Variants in PPP3CB observed in about 807,000 individuals in gnomAD.
PPP3CB encodes protein phosphatase 3 catalytic subunit beta, also known as serine/threonine-protein phosphatase 2B catalytic subunit beta isoform.
In PPP3CB, 8 loss-of-function variants were observed where a neutral mutation model predicts 66.4. The observed-to-expected ratio is 0.12, with a 90% CI of 0.07 to 0.22. The LOEUF (loss-of-function observed/expected upper bound fraction) is 0.22, where lower values mean the gene tolerates loss of function less well. Among genes scored for constraint, PPP3CB ranks in the 10% least tolerant of loss-of-function variants. The pLI, the probability that PPP3CB is intolerant of heterozygous loss-of-function variation, is 1.00. For synonymous variants in PPP3CB, 208 were observed against 221.2 expected (o/e 0.94, Z 0.53); for missense variants, 319 against 642.5 (o/e 0.50, Z 5.44).
At chr10:73,466,445 A>T (rs1461824465) in intron 9 of PPP3CB, among the ~76,000 whole-genome samples, 1 of 152,172 alleles carries the variant, frequency 6.6e-6, no homozygotes, top group African/African-American at 2.4e-5. Flanking sequence ...TGAAGGCAGG[A>T]GAGTGAGCAG....
At chr10:73,451,518 G>C (rs115332523) in intron 10 of PPP3CB, among the ~76,000 whole-genome samples, 53 of 151,964 alleles carry the variant, frequency 3.5e-4, no homozygotes, top group African/African-American at 1.1e-3. Context: ...TAATTATATA[G>C]AGCAAGAGTT....
At chr10:73,458,529 T>G (rs1218445714) in intron 9 of PPP3CB, among the ~76,000 whole-genome samples, 1 of 152,020 alleles carries the variant, frequency 6.6e-6, no homozygotes, top group Non-Finnish European at 1.5e-5. Context: ...CGGCTGGGTG[T>G]GGTAGCTCAT....
chr10:73,444,247 G>A (rs2132770812), intron 12 of PPP3CB: 1 of 196,726 alleles, frequency 5.1e-6, no homozygotes. Flanking sequence ...TAATGTTCTG[G>A]GGCCTAAGCA....
At chr10:73,467,064 T>C (rs1236045713) in intron 9 of PPP3CB, 1 of 152,190 alleles carries the variant, frequency 6.6e-6, no homozygotes, top group Non-Finnish European at 1.5e-5. Context: ...ACATATTTTT[T>C]ATATAAGAGA....
intron 4 of PPP3CB, among the ~76,000 whole-genome samples, chr10:73,473,586 G>A (rs1336910346): frequency 6.6e-6 from 1 of 152,042 alleles, no homozygotes; most frequent in African/African-American, 2.4e-5. Context: ...CCCGGGAGGA[G>A]GTTGCTGTGA....
intron 1 of PPP3CB, among the ~76,000 whole-genome samples, chr10:73,480,402 T>C (rs1030541384): frequency 2.6e-5 from 4 of 152,014 alleles, no homozygotes; most frequent in African/African-American, 7.2e-5. Flanking sequence ...ACTTTTTGCA[T>C]ATGTGTAAAA....
intron 12 of PPP3CB, among the ~76,000 whole-genome samples, chr10:73,442,522 A>AT (rs2056165297): frequency 6.6e-6 from 1 of 152,222 alleles, no homozygotes; most frequent in Non-Finnish European, 1.5e-5. Flanking sequence ...TTTTCTGAAC[A>AT]AAGAAGAGTA....
At chr10:73,455,929 A>G (rs2056420153) in intron 9 of PPP3CB, among the ~76,000 whole-genome samples, 1 of 152,228 alleles carries the variant, frequency 6.6e-6, no homozygotes, top group African/African-American at 2.4e-5. Flanking sequence ...TGAAAACTTC[A>G]TGAGTGTAGG....
At chr10:73,470,091 G>C (rs1221583368) in intron 8 of PPP3CB, among the ~76,000 whole-genome samples, 3 of 152,096 alleles carry the variant, frequency 2.0e-5, no homozygotes, top group African/African-American at 7.2e-5. Context: ...TTCAGGGAAG[G>C]TGGGGAAATG....
intron 4 of PPP3CB, among the ~76,000 whole-genome samples, chr10:73,473,599 C>T (rs1291271121): frequency 1.3e-5 from 2 of 151,386 alleles, no homozygotes; most frequent in African/African-American, 2.4e-5. Flanking sequence ...TGCTGTGAGC[C>T]GAGATTGTAC....
At chr10:73,466,339 T>C (rs756182645) in intron 9 of PPP3CB, among the ~76,000 whole-genome samples, 36 of 152,178 alleles carry the variant, frequency 2.4e-4, no homozygotes, top group Non-Finnish European at 4.6e-4. Flanking sequence ...AGAATCAAAT[T>C]AGAATCTATG....
intron 9 of PPP3CB, among the ~76,000 whole-genome samples, chr10:73,457,784 G>T (rs2056453979): frequency 6.6e-6 from 1 of 151,350 alleles, no homozygotes; most frequent in Non-Finnish European, 1.5e-5. Context: ...AGTGGAATGG[G>T]AGAAAATTAT....
Position 73,495,832 on chromosome 10 carries a change from G to A in PPP3CB, c.58C>T (p.Pro20Ser), listed in dbSNP as rs1435361561. 6.7e-7 allele frequency: 1 copy of A among 1,500,348 alleles called. No individual in the cohort carries two copies. The highest frequency in any genetic ancestry group is 2.9e-5 in the East Asian group (1 of 34,716). 92.9% of individuals were successfully genotyped at this position (1,500,348 alleles called of 1,614,324 possible). ...APPPPPPPPP[P>S]PGADRVVKAV... Reference sequence around the variant, plus strand: ...TTGACGACGCGGTCAGCCCCGGGAGGGGGCGGCGGGGGCGGGGGTGGGGGC... The same window carrying A: ...TTGACGACGCGGTCAGCCCCGGGAGAGGGCGGCGGGGGCGGGGGTGGGGGC... The change falls in exon 1 of 14, where the codon CCT becomes TCT. Residue 20 changes from proline (P) to serine (S), a missense_variant. By Grantham distance (74) the Pro-to-Ser change is moderately conservative (BLOSUM62 -1). Around this residue, in one of 5 missense-constraint regions of PPP3CB, gnomAD observed 104 missense variants for 128.4 expected, o/e 0.81. Coordinates refer to ENST00000360663, the MANE Select transcript of PPP3CB (RefSeq NM_021132.4).
At chr10:73,483,865 C>T (rs2056925468) in intron 1 of PPP3CB, among the ~76,000 whole-genome samples, 1 of 151,662 alleles carries the variant, frequency 6.6e-6, no homozygotes, top group Admixed American at 6.6e-5. Context: ...ATTCTCTGGC[C>T]AGGTGCGGTG....
At chr10:73,491,172 A>G (rs1026153107) in intron 1 of PPP3CB, among the ~76,000 whole-genome samples, 1 of 151,772 alleles carries the variant, frequency 6.6e-6, no homozygotes, top group African/African-American at 2.4e-5. Context: ...CTGGGATTAC[A>G]GGCGTGTACC....
At chr10:73,486,688 A>C (rs75427050) in intron 1 of PPP3CB, among the ~76,000 whole-genome samples, 7,546 of 152,270 alleles carry the variant, frequency 0.05, 572 homozygotes, top group African/African-American at 0.16. Context: ...GACAACACTT[A>C]TCAAATTCTT....
In PPP3CB at chr10:73,470,794, T is replaced by C. The variant is rs778178072; in HGVS notation, c.888-13A>G. The C allele has an allele frequency of 4.4e-6, 7 of 1,586,552 alleles. No homozygotes were observed. Among genetic ancestry groups the C allele is most frequent in the Non-Finnish European group, 6.0e-6 (7 of 1,159,626 alleles). ...GTACATTCTATAGCTGCAAAACAAA[T>C]AGCTTAATATGCATCGTAAAGCATC... On this transcript the variant is annotated splice_polypyrimidine_tract_variant and intron_variant, in intron 7 of 13. Transcript: ENST00000360663.
intron 1 of PPP3CB, among the ~76,000 whole-genome samples, chr10:73,485,144 T>C (rs555978642): frequency 4.6e-5 from 7 of 152,190 alleles, no homozygotes; most frequent in Non-Finnish European, 7.3e-5. Context: ...GACCAAACTG[T>C]TCTGTTGAAA....
intron 2 of PPP3CB, 79 bp from the exon 3 acceptor site, chr10:73,478,702 A>G (rs989778079): frequency 1.0e-5 from 13 of 1,274,842 alleles, no homozygotes; most frequent in Non-Finnish European, 1.3e-5. Flanking sequence ...CGTATTTTAC[A>G]TAAGACATAG....
Sources: allele counts gnomAD v4.1 joint callset (sites outside exome capture counted in the v4.1 genomes callset), GRCh38; gene constraint gnomAD v4.1.1; regional missense constraint gnomAD v4.1.1; transcripts MANE v1.5; gene names NCBI Gene and HGNC (gene_info 2026-07-23, HGNC 2026-07-21).